The following ITGA11 variants were observed in gnomAD, a reference collection of about 807,000 sequenced individuals.
ITGA11 encodes integrin alpha-11.
ITGA11 carries 97 observed loss-of-function variants against 141.9 expected under a neutral mutation model. The observed-to-expected ratio is 0.68, with a 90% CI of 0.58 to 0.81. The LOEUF (loss-of-function observed/expected upper bound fraction) is 0.81, where lower values mean the gene tolerates loss of function less well. Ranked by LOEUF, ITGA11 falls within the 30% of genes least tolerant of loss-of-function variation. The pLI is 0.00. For missense variants in ITGA11, 1,387 were observed against 1,559.2 expected, an observed-to-expected ratio of 0.89 and a Z score of 1.86; for synonymous variants, 658 against 624.6, an observed-to-expected ratio of 1.05 and a Z score of -0.80.
At position 68,340,226 on chromosome 15, in the gene ITGA11, A is replaced by AC. The variant is rs1370058607; in HGVS notation, c.1132-583_1132-582insG. On this transcript the variant is annotated intron_variant, in intron 10 of 29. Coordinates refer to ENST00000315757, the MANE Select transcript of ITGA11 (RefSeq NM_001004439.2). ...AGCTTGAAGATACAAAAAAAAAAAA[A>AC]ATACTCAACAAACATGCAGTTGCAA... 1.3e-4 allele frequency among the ~76,000 whole-genome samples: 19 copies of AC among 151,236 alleles called. No homozygotes were observed. In the East Asian group the frequency reaches 3.7e-3, roughly 29 times the overall value.
intron 20 of ITGA11, among the ~76,000 whole-genome samples, chr15:68,318,551 C>T (rs1893675932): frequency 6.6e-6 from 1 of 152,072 alleles, no homozygotes; most frequent in Non-Finnish European, 1.5e-5. Flanking sequence ...CAGGCCTGGG[C>T]CTGACAGAAG....
rs532498583 is a variant in ITGA11 at position 68,317,546 on chromosome 15, G to T, written c.2617-183C>A. On this transcript the variant is annotated intron_variant, in intron 20 of 29. Transcript: ENST00000315757. ...GACCCCAGAGGCCCCAGAGGCCAGG[G>T]TGTGTCTTGGTTCCTGGTACTTGGC... 8.1e-4 allele frequency among the ~76,000 whole-genome samples: 123 copies of T among 152,296 alleles called. 1 individual carries two copies. Among genetic ancestry groups the T allele is most frequent in the African/African-American group, 2.8e-3 (116 of 41,568 alleles).
intron 15 of ITGA11, among the ~76,000 whole-genome samples, chr15:68,329,514 G>A (rs1205597379): frequency 6.6e-6 from 1 of 152,200 alleles, no homozygotes; most frequent in Non-Finnish European, 1.5e-5. Flanking sequence ...GTAGCACATA[G>A]GTGTAGACTT....
intron 15 of ITGA11, 132 bp downstream of exon 15, chr15:68,330,849 T>C (rs56095343): frequency 0.068 from 65,475 of 966,350 alleles, 2,477 homozygotes; most frequent in Non-Finnish European, 0.081. Context: ...CAAGATGGGA[T>C]AAGAACAGGG....
chr15:68,367,984 C>G (rs1032268984), intron 3 of ITGA11, among the ~76,000 whole-genome samples: 2 of 152,198 alleles, frequency 1.3e-5, no homozygotes, highest in African/African-American at 4.8e-5. Context: ...GAAGTTTGGG[C>G]CCCGGCTATG....
intron 10 of ITGA11, among the ~76,000 whole-genome samples, chr15:68,348,114 G>A (rs4776396): frequency 0.41 from 61,971 of 152,088 alleles, 13,019 homozygotes; most frequent in East Asian, 0.61. Flanking sequence ...CCCCCTTGCA[G>A]TCCTGGGAGG....
chr15:68,390,168 G>A (rs140990825), intron 2 of ITGA11, among the ~76,000 whole-genome samples: 128 of 152,306 alleles, frequency 8.4e-4, no homozygotes, highest in African/African-American at 2.7e-3. Context: ...TGTCTGAAGC[G>A]TTGGTGTATG....
chr15:68,390,235 T>C (rs1896083836), intron 2 of ITGA11, among the ~76,000 whole-genome samples: 1 of 152,046 alleles, frequency 6.6e-6, no homozygotes, highest in African/African-American at 2.4e-5. Flanking sequence ...GAAGGAGAAA[T>C]GTTAAGAAAA....
Position 68,340,213 on chromosome 15 carries a change from C to CAA in ITGA11, c.1132-571_1132-570dup, listed in dbSNP as rs10618087. 1.5e-3 allele frequency among the ~76,000 whole-genome samples: 213 copies of CAA among 143,392 alleles called. 1 individual carries two copies. The highest frequency in any genetic ancestry group is 7.9e-3 in the South Asian group (35 of 4,448). 94.1% of individuals were successfully genotyped at this position (143,392 alleles called of 152,430 possible). A position where few individuals can be genotyped will look rare whatever the true frequency, so the allele number is the denominator to read the frequency against. On this transcript the variant is annotated intron_variant, in intron 10 of 29. Coordinates refer to ENST00000315757, the MANE Select transcript of ITGA11 (RefSeq NM_001004439.2). ...CCACCAGCAACAGAGCTTGAAGATA[C>CAA]AAAAAAAAAAAAAATACTCAACAAA...
At chr15:68,343,761 T>C (rs912384148) in intron 10 of ITGA11, among the ~76,000 whole-genome samples, 1 of 152,100 alleles carries the variant, frequency 6.6e-6, no homozygotes, top group Non-Finnish European at 1.5e-5. Context: ...ATACACCATT[T>C]AGAGGGTGGA....
chr15:68,311,463 C>A, intron 24 of ITGA11, 60 bp from the exon 25 acceptor site: 1 of 1,212,586 alleles, frequency 8.2e-7, no homozygotes, highest in South Asian at 1.3e-5. Flanking sequence ...AAAACAAGGT[C>A]CACAGGGGCC....
chr15:68,363,378 C>T (rs181543379), intron 4 of ITGA11, among the ~76,000 whole-genome samples: 67 of 152,254 alleles, frequency 4.4e-4, no homozygotes, highest in Middle Eastern at 3.4e-3. Flanking sequence ...AAGCCCCTGA[C>T]GGATATGTGT....
intron 28 of ITGA11, among the ~76,000 whole-genome samples, chr15:68,306,381 C>G (rs190956707): frequency 5.1e-4 from 77 of 152,162 alleles, no homozygotes; most frequent in Non-Finnish European, 8.5e-4. Flanking sequence ...CCACACCTCC[C>G]TCTCTTGGAT....
rs764386771 is a variant in ITGA11 at position 68,311,278 on chromosome 15, G to T, written c.3087+12C>A. 4.5e-6 allele frequency: 7 copies of T among 1,541,296 alleles called. No homozygotes were observed. Among genetic ancestry groups the T allele is most frequent in the Non-Finnish European group, 6.2e-6 (7 of 1,135,182 alleles). ...GTCCCCTCCCCTAGCCGGCTCCCAA[G>T]GCCATCACCACCTCGTCCGTGAGGA... On this transcript the variant is annotated intron_variant, in intron 25 of 29. Transcript: ENST00000315757.
chr15:68,391,737 T>A (rs1896126699), intron 2 of ITGA11, among the ~76,000 whole-genome samples: 1 of 152,246 alleles, frequency 6.6e-6, no homozygotes, highest in African/African-American at 2.4e-5. Flanking sequence ...CATATTTGAC[T>A]TGCATTGGTT....
At chr15:68,377,878 G>A (rs1177203368) in intron 2 of ITGA11, among the ~76,000 whole-genome samples, 2 of 152,158 alleles carry the variant, frequency 1.3e-5, no homozygotes, top group African/African-American at 2.4e-5. Flanking sequence ...GGGGTCAAGG[G>A]GACAGGACAC....
At chr15:68,377,603 C>T (rs1895760947) in intron 2 of ITGA11, among the ~76,000 whole-genome samples, 1 of 152,234 alleles carries the variant, frequency 6.6e-6, no homozygotes, top group Admixed American at 6.5e-5. Context: ...TCTCCTTCCC[C>T]TTCTCAATCC....
rs767355145 is a variant in ITGA11, at chr15:68,335,858, G to T, written c.1277-13C>A. On this transcript the variant is annotated splice_polypyrimidine_tract_variant and intron_variant, in intron 11 of 29. Coordinates refer to ENST00000315757, the MANE Select transcript of ITGA11 (RefSeq NM_001004439.2). The surrounding 1 kb of genome is among the most constrained non-coding windows in gnomAD (Gnocchi z 4.9). ...GTGACTGTGTACCCTGCCACAGGAG[G>T]AAACAGGCTGATCTTTGGCACCGTG... 1 of 1,610,722 alleles carries T rather than the reference G, an allele frequency of 6.2e-7. No individual in the cohort carries two copies. The highest frequency in any genetic ancestry group is 1.1e-5 in the South Asian group (1 of 90,232).
At chr15:68,320,972 G>T (rs1893786136) in intron 19 of ITGA11, among the ~76,000 whole-genome samples, 1 of 152,070 alleles carries the variant, frequency 6.6e-6, no homozygotes, top group Non-Finnish European at 1.5e-5. Context: ...CCAGGGGATT[G>T]TAGGTCCCCT....
Sources: gnomAD v4.1 joint callset for allele counts (sites outside exome capture counted in the v4.1 genomes callset) on GRCh38, gnomAD v4.1.1 for gene constraint, Gnocchi (gnomAD v3.1) non-coding constraint, MANE v1.5 for transcripts, NCBI Gene and HGNC (gene_info 2026-07-23, HGNC 2026-07-21) for gene names.